Variants in RALYL observed in about 807,000 individuals in gnomAD.
RALYL encodes RNA-binding Raly-like protein.
A neutral mutation model predicts 35.1 loss-of-function variants in RALYL; 29 were observed. The ratio of observed to expected loss-of-function variants is 0.83; its 90% confidence interval spans 0.61 to 1.13. The LOEUF is 1.13. Ranked by LOEUF, RALYL falls within the 50% of genes most tolerant of loss-of-function variation. RALYL has a pLI of 0.00. For synonymous variants in RALYL, 120 were observed against 127.6 expected (o/e 0.94, Z 0.40); for missense variants, 359 against 360.4 (o/e 1.00, Z 0.03).
At chr8:84,361,466 G>C (rs145758325) in intron 1 of RALYL, among the ~76,000 whole-genome samples, 283 of 152,282 alleles carry the variant, frequency 1.9e-3, no homozygotes, top group Middle Eastern at 0.01. Context: ...CAACAGACCT[G>C]AGCATGCTGC....
intron 2 of RALYL, among the ~76,000 whole-genome samples, chr8:84,587,486 G>T (rs911709474): frequency 1.3e-5 from 2 of 152,096 alleles, no homozygotes; most frequent in Admixed American, 6.5e-5. Flanking sequence ...AGAATTCTGG[G>T]GAAATCTAAG....
chr8:84,506,788 C>A (rs1435219746), intron 1 of RALYL, among the ~76,000 whole-genome samples: 3 of 151,478 alleles, frequency 2.0e-5, no homozygotes, highest in African/African-American at 7.3e-5. Flanking sequence ...AAAATTTTAC[C>A]TGGTTGAAAT....
At chr8:84,826,292 G>GAAAAAA (rs1169764529) in intron 4 of RALYL, among the ~76,000 whole-genome samples, 5 of 65,986 alleles carry the variant, frequency 7.6e-5, no homozygotes, top group Admixed American at 1.8e-4. Context: ...CCCTGAATCT[G>GAAAAAA]AAAAAAAAAA....
chr8:84,464,381 A>C (rs1266349529), intron 1 of RALYL, among the ~76,000 whole-genome samples: 1 of 151,304 alleles, frequency 6.6e-6, no homozygotes, highest in Non-Finnish European at 1.5e-5. Context: ...TATGAGTGAG[A>C]ATATGCGGTG....
intron 1 of RALYL, among the ~76,000 whole-genome samples, chr8:84,505,484 A>C (rs1449550377): frequency 6.6e-6 from 1 of 151,830 alleles, no homozygotes; most frequent in Admixed American, 6.6e-5. Context: ...TGTTGGTTAA[A>C]AATATTTAGA....
At chr8:84,308,016 C>T (rs998463691) in intron 1 of RALYL, among the ~76,000 whole-genome samples, 4 of 149,904 alleles carry the variant, frequency 2.7e-5, no homozygotes, top group East Asian at 2.0e-4. Context: ...CGCTCAAAAC[C>T]GTAGGTCAGA....
chr8:84,608,295 G>A (rs772744715), intron 2 of RALYL, among the ~76,000 whole-genome samples: 11 of 152,102 alleles, frequency 7.2e-5, no homozygotes, highest in Non-Finnish European at 1.0e-4. Flanking sequence ...GAACTTGGAC[G>A]TATGGGCCAA....
intron 1 of RALYL, among the ~76,000 whole-genome samples, chr8:84,495,810 A>G (rs866596085): frequency 9.9e-5 from 15 of 152,134 alleles, no homozygotes; most frequent in Admixed American, 5.9e-4. Flanking sequence ...GCAAATGCAT[A>G]AAGTGTCTCT....
At chr8:84,434,581 A>T (rs2047497989) in intron 1 of RALYL, among the ~76,000 whole-genome samples, 2 of 152,192 alleles carry the variant, frequency 1.3e-5, no homozygotes, top group African/African-American at 4.8e-5. Flanking sequence ...CCATAAATTC[A>T]TGTGGATAGA....
chr8:84,905,008 T>A lies in RALYL; in HGVS notation c.859-15886T>A, dbSNP rs571202024. 5.3e-5 allele frequency among the ~76,000 whole-genome samples: 8 copies of A among 152,312 alleles called. No individual in the cohort carries two copies. In the East Asian group the frequency reaches 1.3e-3, roughly 26 times the overall value. The stretch of plus-strand genomic sequence containing the variant: ...ATTTTAAGGGTACGATACAGTATTG[T>A]TGACTATGCAATGTTGTACAGCAGA... On this transcript the variant is annotated intron_variant, in intron 8 of 8. Coordinates refer to ENST00000521268, the MANE Select transcript of RALYL (RefSeq NM_173848.7).
chr8:84,905,697 A>T (rs1846368448), intron 8 of RALYL, among the ~76,000 whole-genome samples: 1 of 122,818 alleles, frequency 8.1e-6, no homozygotes, highest in East Asian at 3.1e-4. Context: ...TTATATGAAT[A>T]CTATTTTTTT....
chr8:84,362,998 C>A (rs1853415126), intron 1 of RALYL, among the ~76,000 whole-genome samples: 1 of 152,072 alleles, frequency 6.6e-6, no homozygotes, highest in Non-Finnish European at 1.5e-5. Flanking sequence ...CACACACACA[C>A]ACATACACAC....
chr8:84,489,534 C>T (rs1489858844), intron 1 of RALYL, among the ~76,000 whole-genome samples: 1 of 151,974 alleles, frequency 6.6e-6, no homozygotes, highest in Non-Finnish European at 1.5e-5. Context: ...ACACAAAAGA[C>T]CTTCAGGCAA....
At chr8:84,468,568 C>T (rs947143502) in intron 1 of RALYL, among the ~76,000 whole-genome samples, 11 of 148,368 alleles carry the variant, frequency 7.4e-5, no homozygotes, top group Non-Finnish European at 1.3e-4. Context: ...TCTCTGGCTG[C>T]CCTTAACATT....
rs540244918 is a variant in RALYL, at chr8:84,475,650, G to A, written c.-23-53649G>A. Among the ~76,000 whole-genome samples, 50 of 152,178 alleles carry A rather than the reference G, an allele frequency of 3.3e-4. 1 individual carries two copies. In the Middle Eastern group the frequency reaches 0.02, roughly 62 times the overall value. Reference sequence around the variant, plus strand: ...GTGAATTATCAGAAATTGTTAGCTGGTAGATTAAACAATTAGTGTTTACGA... The same window carrying A: ...GTGAATTATCAGAAATTGTTAGCTGATAGATTAAACAATTAGTGTTTACGA... On this transcript the variant is annotated intron_variant, in intron 1 of 8. Transcript: ENST00000521268.
At chr8:84,694,820 C>T (rs1348833527) in intron 2 of RALYL, among the ~76,000 whole-genome samples, 1 of 151,718 alleles carries the variant, frequency 6.6e-6, no homozygotes, top group Non-Finnish European at 1.5e-5. Context: ...CCGGAATAGG[C>T]TGTTTGTTTT....
chr8:84,216,429 A>G (rs556635564), intron 1 of RALYL, among the ~76,000 whole-genome samples: 1 of 152,244 alleles, frequency 6.6e-6, no homozygotes, highest in African/African-American at 2.4e-5. Context: ...TTTTAGAAAT[A>G]CATTTTATTG....
At chr8:84,843,038 T>G (rs1245247159) in intron 4 of RALYL, among the ~76,000 whole-genome samples, 1 of 152,170 alleles carries the variant, frequency 6.6e-6, no homozygotes, top group Non-Finnish European at 1.5e-5. Context: ...ACTGGAAGCA[T>G]TCCCTTGAAA....
At position 84,417,926 on chromosome 8, in the gene RALYL, G is replaced by T. The variant is rs555676959; in HGVS notation, c.-23-111373G>T. Among the ~76,000 whole-genome samples, 11 of 152,098 alleles carry T rather than the reference G, an allele frequency of 7.2e-5. No individual in the cohort carries two copies. In the East Asian group the frequency reaches 1.9e-3, roughly 27 times the overall value. On this transcript the variant is annotated intron_variant, in intron 1 of 8. Transcript: ENST00000521268. ...TAAAATAATTTTGCTTCTCTATTTG[G>T]TTCTTCTTTCTTTTTCAGTAAAAGC... is the stretch of plus-strand genomic sequence containing the variant.
Sources: allele counts gnomAD v4.1 joint callset (sites outside exome capture counted in the v4.1 genomes callset), GRCh38; gene constraint gnomAD v4.1.1; transcripts MANE v1.5; gene names NCBI Gene and HGNC (gene_info 2026-07-23, HGNC 2026-07-21).